CPNE8: variants seen among roughly 807,000 people sequenced by gnomAD.
CPNE8 encodes copine 8.
Under a neutral mutation model 81.5 loss-of-function variants are expected in CPNE8, and 45 were observed. That is an observed-to-expected ratio of 0.55 (90% CI 0.44 to 0.71). The LOEUF (loss-of-function observed/expected upper bound fraction) is 0.71. Ranked by LOEUF, CPNE8 falls within the 30% of genes least tolerant of loss-of-function variation. The probability of loss-of-function intolerance (pLI) is 0.00; values close to 1 mark genes in which losing one functional copy is unlikely to be tolerated. For missense variants in CPNE8, 594 were observed against 672.1 expected, an observed-to-expected ratio of 0.88 and a Z score of 1.28; for synonymous variants, 252 against 226.3, an observed-to-expected ratio of 1.11 and a Z score of -1.02.
At chr12:38,781,076 T>C in intron 6 of CPNE8, among the ~76,000 whole-genome samples, 1 of 152,006 alleles carries the variant, frequency 6.6e-6, no homozygotes, top group South Asian at 2.1e-4. Context: ...CAGGAAGAAA[T>C]TAAATATGCT....
intron 16 of CPNE8, among the ~76,000 whole-genome samples, chr12:38,680,016 G>A (rs7358789): frequency 0.039 from 5,971 of 151,764 alleles, 421 homozygotes; most frequent in African/African-American, 0.14. Flanking sequence ...GCATAATTAA[G>A]TCTTATTACT....
chr12:38,765,106 C>T lies in CPNE8; in HGVS notation c.575+2529G>A, dbSNP rs146648857. On this transcript the variant is annotated intron_variant, in intron 8 of 19. Transcript: ENST00000331366. Reference sequence around the variant, plus strand: ...CTTACTGAGATATTTATGAGGCAGGCAGTCATTTATTGCCTATTAATCATT... The same window carrying T: ...CTTACTGAGATATTTATGAGGCAGGTAGTCATTTATTGCCTATTAATCATT... Among the ~76,000 whole-genome samples the T allele has an allele frequency of 4.9e-3, 749 of 152,272 alleles. 5 individuals are homozygous for T. Among genetic ancestry groups the T allele is most frequent in the African/African-American group, 0.017 (697 of 41,558 alleles).
intron 6 of CPNE8, among the ~76,000 whole-genome samples, chr12:38,794,695 A>C (rs2136937434): frequency 6.6e-6 from 1 of 152,230 alleles, no homozygotes; most frequent in Middle Eastern, 3.4e-3. Flanking sequence ...ACATGGCAAA[A>C]CTGAAACCCT....
intron 13 of CPNE8, among the ~76,000 whole-genome samples, chr12:38,704,828 A>ATATATATGTGTG (rs1555145199): frequency 0.01 from 472 of 45,454 alleles, 20 homozygotes; most frequent in African/African-American, 0.023. Flanking sequence ...ATGTATGTGT[A>ATATATATGTGTG]TATATATATA....
intron 13 of CPNE8, among the ~76,000 whole-genome samples, chr12:38,721,465 C>CA (rs1462538507): frequency 6.6e-6 from 1 of 152,094 alleles, no homozygotes; most frequent in African/African-American, 2.4e-5. Context: ...GCCCTGGCTG[C>CA]AAAAAGGAGC....
intron 3 of CPNE8, among the ~76,000 whole-genome samples, chr12:38,867,144 C>A (rs904417564): frequency 2.0e-5 from 3 of 152,142 alleles, no homozygotes; most frequent in Admixed American, 6.5e-5. Context: ...CAGGCCTGAG[C>A]CACTGCACCT....
chr12:38,780,415 G>T (rs1440445195), intron 6 of CPNE8, among the ~76,000 whole-genome samples: 40 of 152,092 alleles, frequency 2.6e-4, no homozygotes, highest in Non-Finnish European at 4.4e-5. Context: ...AATAAATAGA[G>T]CAGATGCAAT....
At position 38,673,015 on chromosome 12, in the gene CPNE8, G is replaced by C. The variant is rs148583595; in HGVS notation, c.1433-2213C>G. ...ATTGTAATTCCCATGTGTTGAGGGAGGGACCTGTAATCCCCACATGTAGAG... is the reference window on the plus strand; with the variant it reads ...ATTGTAATTCCCATGTGTTGAGGGACGGACCTGTAATCCCCACATGTAGAG... On this transcript the variant is annotated intron_variant, in intron 18 of 19. Coordinates refer to ENST00000331366, the MANE Select transcript of CPNE8 (RefSeq NM_153634.3). Among the ~76,000 whole-genome samples the C allele has an allele frequency of 5.0e-3, 762 of 152,254 alleles. 4 individuals are homozygous for C. Among genetic ancestry groups the C allele is most frequent in the Non-Finnish European group, 8.0e-3 (543 of 68,014 alleles).
At position 38,793,887 on chromosome 12, in the gene CPNE8, T is replaced by C. The variant is rs143756890; in HGVS notation, c.408-17586A>G. 2.7e-3 allele frequency among the ~76,000 whole-genome samples: 405 copies of C among 152,142 alleles called. 1 individual carries two copies. Among genetic ancestry groups the C allele is most frequent in the Non-Finnish European group, 4.4e-3 (298 of 67,918 alleles). On this transcript the variant is annotated intron_variant, in intron 6 of 19. Coordinates refer to ENST00000331366, the MANE Select transcript of CPNE8 (RefSeq NM_153634.3). The stretch of plus-strand genomic sequence containing the variant: ...TATAAAGACAAATAGACTAATGACA[T>C]ATAATACAGAGCTCAGAAATACACC...
intron 13 of CPNE8, among the ~76,000 whole-genome samples, chr12:38,707,763 C>G (rs1238516224): frequency 6.6e-6 from 1 of 152,166 alleles, no homozygotes. Context: ...GCATTCAGCT[C>G]AGAAGGAAAA....
intron 13 of CPNE8, among the ~76,000 whole-genome samples, chr12:38,715,643 CA>C (rs1940367930): frequency 6.6e-6 from 1 of 151,902 alleles, no homozygotes; most frequent in Non-Finnish European, 1.5e-5. Context: ...GGACTTACCT[CA>C]AAGTAATAAA....
chr12:38,897,768 C>T (rs1017837390), intron 1 of CPNE8, among the ~76,000 whole-genome samples: 10 of 151,868 alleles, frequency 6.6e-5, no homozygotes, highest in Admixed American at 2.6e-4. Flanking sequence ...GACGCAACAG[C>T]GAAGGATTTT....
intron 19 of CPNE8, among the ~76,000 whole-genome samples, chr12:38,669,340 ATTACT>A (rs939395227): frequency 1.1e-4 from 16 of 152,280 alleles, no homozygotes; most frequent in South Asian, 6.2e-4. Flanking sequence ...ATACTAACAG[ATTACT>A]TTATATTATT....
intron 6 of CPNE8, among the ~76,000 whole-genome samples, chr12:38,793,329 T>TACACAC (rs55794135): frequency 0.023 from 3,480 of 149,040 alleles, 53 homozygotes; most frequent in Non-Finnish European, 0.034. Flanking sequence ...TTCTAAAAAT[T>TACACAC]ACACACACAC....
chr12:38,827,262 CATA>C, intron 6 of CPNE8, among the ~76,000 whole-genome samples: 1 of 151,238 alleles, frequency 6.6e-6, no homozygotes, highest in South Asian at 2.1e-4. Context: ...AAATAAAAAC[CATA>C]ATGAGATATC....
intron 6 of CPNE8, among the ~76,000 whole-genome samples, chr12:38,787,972 G>GA (rs35455026): frequency 0.71 from 66,735 of 93,904 alleles, 25,192 homozygotes; most frequent in Non-Finnish European, 0.84. Flanking sequence ...AAGTCTCCCA[G>GA]AAAAAAAAAA....
At chr12:38,866,516 T>C (rs1286106899) in intron 3 of CPNE8, among the ~76,000 whole-genome samples, 1 of 152,246 alleles carries the variant, frequency 6.6e-6, no homozygotes, top group East Asian at 1.9e-4. Context: ...GCTTTGTATG[T>C]TTCATCATAG....
chr12:38,802,913 T>G (rs568934145), intron 6 of CPNE8, among the ~76,000 whole-genome samples: 1 of 149,310 alleles, frequency 6.7e-6, no homozygotes, highest in African/African-American at 2.5e-5. Flanking sequence ...CTAGAAGAAA[T>G]AGATACATTC....
chr12:38,776,953 A>G (rs1941950734), intron 6 of CPNE8, among the ~76,000 whole-genome samples: 2 of 152,096 alleles, frequency 1.3e-5, no homozygotes, highest in South Asian at 4.1e-4. Flanking sequence ...TAAACATCAA[A>G]TATGTTACTG....
Sources: gnomAD v4.1 joint callset for allele counts (sites outside exome capture counted in the v4.1 genomes callset) on GRCh38, gnomAD v4.1.1 for gene constraint, MANE v1.5 for transcripts, NCBI Gene and HGNC (gene_info 2026-07-23, HGNC 2026-07-21) for gene names.